Variants in GPI observed in about 807,000 individuals in gnomAD.
GPI encodes the protein D-hexose-6-phosphate anomerase.
Under a neutral mutation model 75.8 loss-of-function variants are expected in GPI, and 56 were observed. That is an observed-to-expected ratio of 0.74 (90% CI 0.60 to 0.92). The LOEUF is 0.92. Among genes scored for constraint, GPI ranks in the 40% least tolerant of loss-of-function variants. GPI has a pLI of 0.00. For synonymous variants in GPI, 288 were observed against 285.4 expected (o/e 1.01, Z -0.09); for missense variants, 638 against 741.0 (o/e 0.86, Z 1.61).
At chr19:34,387,849 T>G (rs570728766) in intron 9 of GPI, among the ~76,000 whole-genome samples, 7 of 152,182 alleles carry the variant, frequency 4.6e-5, no homozygotes, top group African/African-American at 1.7e-4. Flanking sequence ...AGCACAGGAA[T>G]GCATAATGGT....
rs536078770 is a variant in GPI at position 34,383,378 on chromosome 19, A to C, written c.804+1859A>C. Among the ~76,000 whole-genome samples the C allele has an allele frequency of 2.6e-5, 4 of 152,250 alleles. No homozygotes were observed. The South Asian group carries it at 8.3e-4, about 32-fold the overall frequency. ...GAAGTCTGAGGAGCCAAAGCTATGT[A>C]TGTGCATATGTCAGCCGGGCTCTGT... On this transcript the variant is annotated intron_variant, in intron 9 of 17. Transcript: ENST00000356487.
intron 4 of GPI, among the ~76,000 whole-genome samples, chr19:34,371,902 TAACA>T (rs1377719786): frequency 6.6e-6 from 1 of 150,410 alleles, no homozygotes; most frequent in Non-Finnish European, 1.5e-5. Flanking sequence ...TGCTTCATTA[TAACA>T]AACCTTTGAC....
rs766877580 is a variant in GPI at position 34,381,507 on chromosome 19, C to T, written c.792C>T (p.Phe264=). The T allele has an allele frequency of 6.9e-6, 11 of 1,605,506 alleles. No individual in the cohort carries two copies. The highest frequency in any genetic ancestry group is 1.7e-5 in the Admixed American group (1 of 59,968). ...KEFGIDPQNM[F]EFWDWVGGRY... ...TTGGAATTGACCCTCAAAACATGTT[C>T]GAGTTCTGGGATGTAAGTACAAGCA... The change falls in exon 9 of 18, where the codon TTC becomes TTT. Residue 264 remains phenylalanine, a synonymous_variant. Coordinates refer to ENST00000356487, the MANE Select transcript of GPI (RefSeq NM_000175.5).
chr19:34,370,319 C>T (rs1245797236), intron 4 of GPI, among the ~76,000 whole-genome samples: 1 of 152,126 alleles, frequency 6.6e-6, no homozygotes, highest in Non-Finnish European at 1.5e-5. Flanking sequence ...CGAGGGTGAT[C>T]GTCCAAACTC....
intron 14 of GPI, 25 bp downstream of exon 14, chr19:34,396,682 C>G (rs1373380418): frequency 6.3e-7 from 1 of 1,593,034 alleles, no homozygotes; most frequent in South Asian, 1.1e-5. Flanking sequence ...CTGGCCCCAT[C>G]TGGGGGGTCT....
intron 12 of GPI, 30 bp downstream of exon 12, chr19:34,394,096 C>G: frequency 1.3e-6 from 2 of 1,591,040 alleles, no homozygotes; most frequent in Non-Finnish European, 1.7e-6. Flanking sequence ...GCCTTGGAGT[C>G]AGCAAGATTT....
chr19:34,391,028 T>TC (rs1490360017), intron 9 of GPI, among the ~76,000 whole-genome samples: 3 of 142,742 alleles, frequency 2.1e-5, no homozygotes, highest in Admixed American at 7.0e-5. Flanking sequence ...ATATGGGTCT[T>TC]CCATGTCTGA....
intron 4 of GPI, among the ~76,000 whole-genome samples, chr19:34,375,960 T>A (rs1268880068): frequency 6.6e-6 from 1 of 152,240 alleles, no homozygotes; most frequent in Non-Finnish European, 1.5e-5. Context: ...CATAGCCCAG[T>A]CACAGTTTTC....
upstream of GPI, among the ~76,000 whole-genome samples, chr19:34,361,352 A>G (rs1221313095): frequency 6.6e-6 from 1 of 152,030 alleles, no homozygotes; most frequent in African/African-American, 2.4e-5. Context: ...TCAGCCTCCA[A>G]AAGTACTGGG....
chr19:34,391,132 T>C (rs2074821401), intron 9 of GPI, among the ~76,000 whole-genome samples: 1 of 145,060 alleles, frequency 6.9e-6, no homozygotes, highest in Non-Finnish European at 1.5e-5. Flanking sequence ...GGGCTTCCAG[T>C]GCCTGAGGAG....
chr19:34,370,408 G>A (rs1040850378), intron 4 of GPI, among the ~76,000 whole-genome samples: 1 of 152,108 alleles, frequency 6.6e-6, no homozygotes, highest in African/African-American at 2.4e-5. Context: ...AGTTACTTTG[G>A]CCAAGAGCCA....
chr19:34,398,769 G>A (rs1375497519), intron 14 of GPI: 9 of 171,210 alleles, frequency 5.3e-5, no homozygotes, highest in East Asian at 1.6e-4. Context: ...GTGCAGTGGC[G>A]TGATCTTGGC....
Position 34,399,340 on chromosome 19 carries a change from G to C in GPI, c.1398+5G>C. On this transcript the variant is annotated splice_donor_5th_base_variant and intron_variant, in intron 15 of 17. Transcript: ENST00000356487. Reference sequence around the variant, plus strand: ...GAGAGGCTGCTGCCACATAAGGTCAGCACTTCTGCATTTGGCTTTGGGGTG... The same window carrying C: ...GAGAGGCTGCTGCCACATAAGGTCACCACTTCTGCATTTGGCTTTGGGGTG... 6.2e-7 allele frequency: 1 copy of C among 1,614,070 alleles called. No homozygotes were observed.
intron 8 of GPI, chr19:34,379,911 A>C: frequency 7.3e-6 from 3 of 410,706 alleles, no homozygotes; most frequent in Non-Finnish European, 1.3e-5. Context: ...TAGAGGATGC[A>C]TTCCATTTTT....
rs764111292 is a variant in GPI, at chr19:34,379,550, G to A, written c.738G>A (p.Leu246=). The change falls in exon 8 of 18, where the codon CTG becomes CTA. Residue 246 remains leucine, a synonymous_variant. Coordinates refer to ENST00000356487, the MANE Select transcript of GPI (RefSeq NM_000175.5). ...PSAVAKHFVA[L]STNTTKVKEF... ...CAGTGGCGAAGCACTTTGTTGCCCTGTCTACTAACACAGTAAGTGCCCCCG... is the reference window on the plus strand; with the variant it reads ...CAGTGGCGAAGCACTTTGTTGCCCTATCTACTAACACAGTAAGTGCCCCCG... The A allele has an allele frequency of 6.2e-6, 10 of 1,613,828 alleles. No individual in the cohort carries two copies. The African/African-American group carries it at 8.0e-5, about 13-fold the overall frequency.
chr19:34,393,971 C>T lies in GPI; in HGVS notation c.967C>T (p.Leu323=). Residue 323 remains leucine (L), a synonymous_variant, in exon 12 of 18, where the codon CTG becomes TTG. Transcript: ENST00000356487. This position sits in a 1 kb window ranked among gnomAD's most constrained non-coding sequence, Gnocchi z 4.4. The part of the protein sequence containing the change: ...EKNAPVLLAL[L]GIWYINCFGC... ...GAACGCCCCCGTCTTGCTGGCCCTGCTGGGTATCTGGTACATCAACTGCTT... is the reference window on the plus strand; with the variant it reads ...GAACGCCCCCGTCTTGCTGGCCCTGTTGGGTATCTGGTACATCAACTGCTT... 3 of 1,613,504 alleles carry T rather than the reference C, an allele frequency of 1.9e-6. No homozygotes were observed. The highest frequency in any genetic ancestry group is 1.3e-5 in the African/African-American group (1 of 75,038).
At chr19:34,376,684 T>A (rs1359145324) in intron 4 of GPI, among the ~76,000 whole-genome samples, 1 of 152,142 alleles carries the variant, frequency 6.6e-6, no homozygotes, top group Non-Finnish European at 1.5e-5. Context: ...AGCCTCAACT[T>A]CCTGGACTCA....
chr19:34,370,207 G>A (rs1477229207), intron 4 of GPI, among the ~76,000 whole-genome samples: 1 of 152,178 alleles, frequency 6.6e-6, no homozygotes, highest in East Asian at 1.9e-4. Flanking sequence ...ACTTGCCTCA[G>A]TGTCTACCCT....
At chr19:34,379,377 A>T (rs1432581217) in intron 7 of GPI, 141 bp from the exon 8 acceptor site, 1 of 829,598 alleles carries the variant, frequency 1.2e-6, no homozygotes, top group African/African-American at 1.7e-5. Context: ...CTTGACCTCG[A>T]TGTGGGCCTT....
Sources: allele counts gnomAD v4.1 joint callset (sites outside exome capture counted in the v4.1 genomes callset), GRCh38; gene constraint gnomAD v4.1.1; non-coding constraint Gnocchi (gnomAD v3.1); transcripts MANE v1.5; gene names NCBI Gene and HGNC (gene_info 2026-07-23, HGNC 2026-07-21).